TAB3: variants seen among roughly 807,000 people sequenced by gnomAD.
The protein encoded by TAB3 is TGF-beta activated kinase 1 (MAP3K7) binding protein 3.
A neutral mutation model predicts 48.1 loss-of-function variants in TAB3; 18 were observed. The observed-to-expected ratio is 0.37, with a 90% CI of 0.26 to 0.55. The LOEUF is 0.55. Ranked by LOEUF, TAB3 falls within the 20% of genes least tolerant of loss-of-function variation. The pLI is 0.78. For synonymous variants in TAB3, 185 were observed against 190.2 expected (o/e 0.97, Z 0.22); for missense variants, 414 against 549.8 (o/e 0.75, Z 2.47).
intron 6 of TAB3, among the ~76,000 whole-genome samples, 164 bp downstream of exon 6, chrX:30,853,952 G>C (rs1938958669): frequency 8.9e-6 from 1 of 112,580 alleles, no homozygotes; most frequent in Non-Finnish European, 1.9e-5. Flanking sequence ...TGGGATTACA[G>C]GCGTGAGCCA....
At chrX:30,866,617 ATAAAT>A (rs769018330) in intron 4 of TAB3, among the ~76,000 whole-genome samples, 74 of 110,746 alleles carry the variant, frequency 6.7e-4, no homozygotes, top group Admixed American at 1.3e-3. Flanking sequence ...GAACACCAAA[ATAAAT>A]AAAGTAGTAT....
rs753550203 is a variant in TAB3, at chrX:30,853,677, TTTTG to T, written c.1549+435_1549+438del. Among the ~76,000 whole-genome samples, 673 of 112,641 alleles carry T rather than the reference TTTTG, an allele frequency of 6.0e-3. 4 individuals carry two copies. Among genetic ancestry groups the T allele is most frequent in the African/African-American group, 0.02 (623 of 31,041 alleles). ...GACTCTGAAGCACTAACTTTATTCTTTTTGTTTGTTTGTTTTGGACACAGTCTCC... is the reference window on the plus strand; with the variant it reads ...GACTCTGAAGCACTAACTTTATTCTTTTTGTTTGTTTTGGACACAGTCTCC... On this transcript the variant is annotated intron_variant, in intron 6 of 10. Transcript: ENST00000288422.
intron 1 of TAB3, among the ~76,000 whole-genome samples, chrX:30,886,263 C>T (rs959197669): frequency 4.5e-5 from 5 of 110,726 alleles, no homozygotes; most frequent in Admixed American, 3.8e-4. Flanking sequence ...TATCTTTATA[C>T]GGTGGCAATA....
intron 9 of TAB3, among the ~76,000 whole-genome samples, chrX:30,842,622 C>A (rs2147338850): frequency 9.4e-6 from 1 of 106,621 alleles, no homozygotes; most frequent in African/African-American, 3.4e-5. Flanking sequence ...TTGTTGAGAC[C>A]AGTGAGCAAC....
At chrX:30,843,114 T>A (rs1456466388) in intron 8 of TAB3, 65 bp from the exon 9 acceptor site, 18 of 629,143 alleles carry the variant, frequency 2.9e-5, no homozygotes, top group Admixed American at 3.9e-5. Context: ...GATTTTTTTT[T>A]AAAGAAAATA....
chrX:30,846,179 G>GGGCTCAGGTGATCCTCCTGCCTT, intron 8 of TAB3: 1 of 579,735 alleles, frequency 1.7e-6, no homozygotes, highest in Non-Finnish European at 2.2e-6. Flanking sequence ...TGAGAAATCT[G>GGGCTCAGGTGATCCTCCTGCCTT]ATACTCTGAT....
intron 2 of TAB3, among the ~76,000 whole-genome samples, chrX:30,870,923 A>G (rs1394042222): frequency 8.9e-6 from 1 of 112,607 alleles, no homozygotes; most frequent in African/African-American, 3.2e-5. Context: ...ACACAAGAAG[A>G]TAACTGAAGG....
chrX:30,837,011 T>C (rs1445384369), intron 9 of TAB3, among the ~76,000 whole-genome samples: 1 of 108,392 alleles, frequency 9.2e-6, no homozygotes, highest in Non-Finnish European at 1.9e-5. Flanking sequence ...TACATGGTGT[T>C]GGTCCCAAAG....
At position 30,828,292 on chromosome X, in the gene TAB3, ATTGAT is replaced by A. The variant is rs1004874319; in HGVS notation, c.*3130_*3134del. ...AAGCAATGACAAAATTTAAGGAAAC[ATTGAT>A]TTATTTGCATAATTAAAAAGTACTA... On this transcript the variant is annotated 3_prime_UTR_variant, in exon 11 of 11. Coordinates refer to ENST00000288422, the MANE Select transcript of TAB3 (RefSeq NM_152787.5). 9.7e-5 allele frequency: 11 copies of A among 113,983 alleles called. No homozygotes were observed. Among genetic ancestry groups the A allele is most frequent in the African/African-American group, 3.2e-4 (10 of 30,900 alleles). The allele number at this position is 113,983 out of a possible 1,213,427, so 9.4% of individuals were successfully genotyped here. A position where few individuals can be genotyped will look rare whatever the true frequency, so the allele number is the denominator to read the frequency against.
intron 1 of TAB3, among the ~76,000 whole-genome samples, chrX:30,888,013 C>T (rs756845085): frequency 1.2e-4 from 14 of 112,166 alleles, no homozygotes; most frequent in Non-Finnish European, 2.3e-4. Flanking sequence ...AACACACCAT[C>T]ACAAAACTTA....
At position 30,831,553 on chromosome X, in the gene TAB3, T is replaced by G; in HGVS notation, c.2013A>C (p.Gln671His). Residue 671 changes from glutamine to histidine, a missense_variant, in exon 11 of 11, where the codon CAA becomes CAC. Gln to His is a conservative substitution (Grantham distance 24, BLOSUM62 0). Transcript: ENST00000288422. ...AADEHRTGST[Q>H]SPRTQPRDED... is the part of the protein sequence containing the mutation. ...CATCTCGAGGTTGTGTCCGAGGACT[T>G]TGTGTGGAGCCAGTTCGATGCTCTG... 3 of 1,211,375 alleles carry G rather than the reference T, an allele frequency of 2.5e-6. No individual in the cohort carries two copies. Among genetic ancestry groups the G allele is most frequent in the Non-Finnish European group, 3.4e-6 (3 of 895,390 alleles).
chrX:30,832,842 C>T (rs1057333079), intron 10 of TAB3, among the ~76,000 whole-genome samples: 1 of 111,947 alleles, frequency 8.9e-6, no homozygotes, highest in African/African-American at 3.2e-5. Context: ...CTGCCATTAT[C>T]ACCCACCTTG....
chrX:30,846,483 T>C, intron 8 of TAB3, 68 bp downstream of exon 8: 1 of 798,727 alleles, frequency 1.3e-6, no homozygotes, highest in South Asian at 3.0e-5. Flanking sequence ...AAACCAAAGT[T>C]ATTGCTATTT....
At position 30,854,656 on chromosome X, in the gene TAB3, G is replaced by A; in HGVS notation, c.1009C>T (p.Pro337Ser). 1 of 1,211,341 alleles carries A rather than the reference G, an allele frequency of 8.3e-7. No homozygotes were observed. The highest frequency in any genetic ancestry group is 1.1e-6 in the Non-Finnish European group (1 of 895,056). ...CTTCCCTGTTTCTGATAGCTAGGAG[G>A]TCCTTGTTGATATGGATGGGGTGGA... ...TTPPHPYQQG[P>S]PSYQKQGSHS... The change falls in exon 6 of 11, where the codon CCT (proline) becomes TCT (serine). Residue 337 changes from proline to serine, a missense_variant. By Grantham distance (74) the Pro-to-Ser change is moderately conservative (BLOSUM62 -1). Transcript: ENST00000288422.
chrX:30,833,614 G>A (rs903593985), intron 10 of TAB3, among the ~76,000 whole-genome samples: 41 of 109,946 alleles, frequency 3.7e-4, no homozygotes, highest in African/African-American at 1.2e-3. Context: ...GGTGGATCAC[G>A]AGGTCAGGAG....
Position 30,873,122 on chromosome X carries a change from CAAAA to C in TAB3, c.-382-1325_-382-1322del, listed in dbSNP as rs200072408. 8.3e-3 allele frequency among the ~76,000 whole-genome samples: 930 copies of C among 112,030 alleles called. 7 individuals carry two copies. Among genetic ancestry groups the C allele is most frequent in the Middle Eastern group, 0.027 (6 of 219 alleles). On this transcript the variant is annotated intron_variant, in intron 1 of 10. Transcript: ENST00000288422. ...ATCCTGTTGCAAACAAACCAACTAT[CAAAA>C]AACGAATTTTTTTTAGACAATTAGG... is the stretch of plus-strand genomic sequence containing the variant.
intron 7 of TAB3, among the ~76,000 whole-genome samples, chrX:30,850,153 A>G (rs1423535489): frequency 9.0e-6 from 1 of 111,352 alleles, no homozygotes; most frequent in East Asian, 2.8e-4. Flanking sequence ...CACGGTCTCA[A>G]CCACCACGTA....
intron 1 of TAB3, among the ~76,000 whole-genome samples, chrX:30,872,178 T>C (rs1939681748): frequency 1.8e-5 from 2 of 111,976 alleles, no homozygotes; most frequent in South Asian, 7.5e-4. Context: ...TAAAATTTAA[T>C]GAACTTGATT....
intron 5 of TAB3, among the ~76,000 whole-genome samples, 171 bp from the exon 6 acceptor site, chrX:30,855,733 C>T (rs774642032): frequency 2.7e-5 from 3 of 112,021 alleles, no homozygotes; most frequent in East Asian, 5.6e-4. Flanking sequence ...GAGACCCAAA[C>T]GATTCATATT....
Sources: allele counts gnomAD v4.1 joint callset (sites outside exome capture counted in the v4.1 genomes callset), GRCh38; gene constraint gnomAD v4.1.1; transcripts MANE v1.5; gene names NCBI Gene and HGNC (gene_info 2026-07-23, HGNC 2026-07-21).